The following MRPS27 variants were observed in gnomAD, a reference collection of about 807,000 sequenced individuals.
The protein encoded by MRPS27 is mitochondrial ribosomal protein S27.
Under a neutral mutation model 48.9 loss-of-function variants are expected in MRPS27, and 43 were observed. That is an observed-to-expected ratio of 0.88 (90% CI 0.69 to 1.13). The LOEUF (loss-of-function observed/expected upper bound fraction) is 1.13, where lower values mean the gene tolerates loss of function less well. Ranked by LOEUF, MRPS27 falls within the 50% of genes most tolerant of loss-of-function variation. The pLI is 0.00. For missense variants in MRPS27, 467 were observed against 476.3 expected, an observed-to-expected ratio of 0.98 and a Z score of 0.18; for synonymous variants, 188 against 171.9, an observed-to-expected ratio of 1.09 and a Z score of -0.73.
In MRPS27 at chr5:72,309,160, C is replaced by T. The variant is rs570924288; in HGVS notation, c.151+4921G>A. ...TTCTAGGCAGAGGGGACAGCTGTCT[C>T]GGTGGCAGGAAAAATTCAGTAAATG... On this transcript the variant is annotated intron_variant, in intron 2 of 10. Transcript: ENST00000261413. Among the ~76,000 whole-genome samples, 365 of 151,832 alleles carry T rather than the reference C, an allele frequency of 2.4e-3. 2 individuals carry two copies. Among genetic ancestry groups the T allele is most frequent in the African/African-American group, 8.5e-3 (350 of 41,392 alleles).
At chr5:72,262,318 T>C (rs989505118) in intron 4 of MRPS27, among the ~76,000 whole-genome samples, 1 of 152,070 alleles carries the variant, frequency 6.6e-6, no homozygotes, top group African/African-American at 2.4e-5. Context: ...CGAAAGGTGC[T>C]GCTGCTGCTG....
intron 4 of MRPS27, among the ~76,000 whole-genome samples, chr5:72,273,260 C>A (rs1169594324): frequency 6.6e-6 from 1 of 152,134 alleles, no homozygotes; most frequent in Non-Finnish European, 1.5e-5. Flanking sequence ...GGCCACTGGT[C>A]CGGGATTTTT....
intron 2 of MRPS27, among the ~76,000 whole-genome samples, chr5:72,309,255 A>T (rs1169543491): frequency 1.3e-5 from 2 of 151,554 alleles, no homozygotes; most frequent in African/African-American, 4.9e-5. Flanking sequence ...TCTATGTGAT[A>T]TTTACTCATT....
chr5:72,240,253 TA>T (rs1748312585), intron 4 of MRPS27, among the ~76,000 whole-genome samples: 1 of 152,202 alleles, frequency 6.6e-6, no homozygotes, highest in African/African-American at 2.4e-5. Flanking sequence ...TCAGGGCATT[TA>T]GAGTCTCATT....
chr5:72,243,130 AG>A (rs1450743989), intron 4 of MRPS27, among the ~76,000 whole-genome samples: 1 of 152,236 alleles, frequency 6.6e-6, no homozygotes, highest in East Asian at 1.9e-4. Context: ...AGAGGGGGTC[AG>A]GGTAAAGGGA....
At chr5:72,315,273 T>G (rs1195761110) in intron 1 of MRPS27, among the ~76,000 whole-genome samples, 1 of 151,768 alleles carries the variant, frequency 6.6e-6, no homozygotes, top group East Asian at 1.9e-4. Flanking sequence ...CCCAAATGAA[T>G]GATGGGTAAA....
At chr5:72,319,477 A>G (rs1346287975) in intron 1 of MRPS27, among the ~76,000 whole-genome samples, 1 of 152,006 alleles carries the variant, frequency 6.6e-6, no homozygotes, top group Non-Finnish European at 1.5e-5. Flanking sequence ...GTCCCTCTAA[A>G]GAAACCTCAG....
intron 9 of MRPS27, among the ~76,000 whole-genome samples, chr5:72,224,747 A>G (rs1198003948): frequency 1.3e-5 from 2 of 152,212 alleles, no homozygotes; most frequent in Non-Finnish European, 2.9e-5. Context: ...GATTTCTGTG[A>G]CTTAGGAAGT....
At chr5:72,240,571 A>C (rs1469541033) in intron 4 of MRPS27, among the ~76,000 whole-genome samples, 2 of 152,032 alleles carry the variant, frequency 1.3e-5, no homozygotes, top group Non-Finnish European at 2.9e-5. Flanking sequence ...CTTTTTTTTG[A>C]TGATGAACTT....
intron 1 of MRPS27, among the ~76,000 whole-genome samples, chr5:72,314,912 C>G (rs1750527580): frequency 6.6e-6 from 1 of 152,134 alleles, no homozygotes; most frequent in African/African-American, 2.4e-5. Context: ...TCACATAAAG[C>G]AAGGAGTAGT....
At chr5:72,235,959 C>G (rs529775538) in intron 5 of MRPS27, among the ~76,000 whole-genome samples, 2 of 152,266 alleles carry the variant, frequency 1.3e-5, no homozygotes, top group Non-Finnish European at 2.9e-5. Flanking sequence ...CCATAAGCCA[C>G]TGCCTTGAGA....
At chr5:72,307,365 TAAGA>T (rs965748800) in intron 2 of MRPS27, among the ~76,000 whole-genome samples, 19 of 151,532 alleles carry the variant, frequency 1.3e-4, no homozygotes, top group African/African-American at 3.6e-4. Flanking sequence ...TAAAATAAAA[TAAGA>T]AAGAGAGTAT....
intron 5 of MRPS27, among the ~76,000 whole-genome samples, 155 bp downstream of exon 5, chr5:72,237,859 C>CTT (rs1392106293): frequency 1.3e-5 from 2 of 151,864 alleles, no homozygotes; most frequent in East Asian, 3.9e-4. Context: ...TATTAATGAA[C>CTT]TTATACCCAG....
intron 4 of MRPS27, among the ~76,000 whole-genome samples, chr5:72,273,750 G>A (rs1749304790): frequency 6.6e-6 from 1 of 152,178 alleles, no homozygotes; most frequent in Non-Finnish European, 1.5e-5. Context: ...GAGTCAGTAA[G>A]CAAGCAGTGA....
At chr5:72,252,214 G>A (rs1397099710) in intron 4 of MRPS27, among the ~76,000 whole-genome samples, 2 of 152,124 alleles carry the variant, frequency 1.3e-5, no homozygotes, top group Non-Finnish European at 2.9e-5. Context: ...TATCTCAAGG[G>A]TTTTTCACAT....
chr5:72,227,378 TAGAC>T (rs962024332), intron 8 of MRPS27: 2 of 152,194 alleles, frequency 1.3e-5, no homozygotes, highest in African/African-American at 2.4e-5. Context: ...GTTAGTCTGA[TAGAC>T]AGTCAATAAA....
At chr5:72,314,242 C>A (rs1221875476) in intron 1 of MRPS27, 84 bp from the exon 2 acceptor site, 2 of 896,288 alleles carry the variant, frequency 2.2e-6, no homozygotes, top group Non-Finnish European at 3.5e-6. Context: ...TCTTCACTAT[C>A]CTTTCAACTA....
chr5:72,228,214 T>G, intron 8 of MRPS27, 52 bp downstream of exon 8: 1 of 1,383,922 alleles, frequency 7.2e-7, no homozygotes, highest in Non-Finnish European at 1.0e-6. Context: ...ACTGGAAGAA[T>G]GCAACAATTC....
chr5:72,282,984 A>G (rs543125743), intron 4 of MRPS27, among the ~76,000 whole-genome samples: 40 of 152,344 alleles, frequency 2.6e-4, no homozygotes, highest in African/African-American at 9.6e-4. Context: ...GAAACTAAAC[A>G]AAAAGCCAGA....
Sources: allele counts gnomAD v4.1 joint callset (sites outside exome capture counted in the v4.1 genomes callset), GRCh38; gene constraint gnomAD v4.1.1; transcripts MANE v1.5; gene names NCBI Gene and HGNC (gene_info 2026-07-23, HGNC 2026-07-21).